OAS3: variants seen among roughly 807,000 people sequenced by gnomAD.
OAS3 encodes 2'-5'-oligoadenylate synthetase 3.
In OAS3, 107 loss-of-function variants were observed where a neutral mutation model predicts 113.0. The ratio of observed to expected loss-of-function variants is 0.95; its 90% CI spans 0.81 to 1.11. The LOEUF (loss-of-function observed/expected upper bound fraction) is 1.11. Among genes scored for constraint, OAS3 ranks in the 50% most tolerant of loss-of-function variants. The pLI is 0.00. For missense variants in OAS3, 1,258 were observed against 1,389.1 expected, an observed-to-expected ratio of 0.91 and a Z score of 1.50; for synonymous variants, 552 against 573.6, an observed-to-expected ratio of 0.96 and a Z score of 0.54.
intron 14 of OAS3, 82 bp downstream of exon 14, chr12:112,968,256 T>C: frequency 6.8e-7 from 1 of 1,476,004 alleles, no homozygotes; most frequent in Non-Finnish European, 9.1e-7. Flanking sequence ...AGAGCAGAGA[T>C]GGGAAAACAC....
At chr12:112,950,660 G>A in intron 6 of OAS3, 33 bp from the exon 7 acceptor site, 1 of 1,608,226 alleles carries the variant, frequency 6.2e-7, no homozygotes, top group South Asian at 1.1e-5. Context: ...GCTCCTAGAG[G>A]GTCCCTGATC....
At chr12:112,949,975 T>C (rs966726519) in intron 6 of OAS3, among the ~76,000 whole-genome samples, 1 of 152,120 alleles carries the variant, frequency 6.6e-6, no homozygotes, top group Non-Finnish European at 1.5e-5. Flanking sequence ...GCTGAGACCA[T>C]GCCACTGCAC....
chr12:112,947,890 T>G lies in OAS3; in HGVS notation c.876-56T>G. 5 of 1,477,072 alleles carry G rather than the reference T, an allele frequency of 3.4e-6. No homozygotes were observed. In the South Asian group the frequency reaches 3.9e-5, roughly 12 times the overall value. 91.5% of individuals were successfully genotyped at this position (1,477,072 alleles called of 1,614,324 possible). On this transcript the variant is annotated intron_variant, in intron 4 of 15. Transcript: ENST00000228928. Reference sequence around the variant, plus strand: ...AGAGATGCGATTGGAACCAGGTCCGTTTCACTCCAGAGCCCTCTTGCTAAC... The same window carrying G: ...AGAGATGCGATTGGAACCAGGTCCGGTTCACTCCAGAGCCCTCTTGCTAAC...
Position 112,967,973 on chromosome 12 carries a change from C to G in OAS3, c.2903C>G (p.Pro968Arg), listed in dbSNP as rs751282870. The change falls in exon 14 of 16, where the codon CCA becomes CGA. Residue 968 changes from proline to arginine, a missense_variant. Physicochemically the swap from Pro to Arg is moderately radical, Grantham distance 103. Coordinates refer to ENST00000228928, the MANE Select transcript of OAS3 (RefSeq NM_006187.4). ...KISKGRGSLPPQHGLELLTVY... is the reference protein window; with the variant it reads ...KISKGRGSLPRQHGLELLTVY... ...TCCAAGGGGAGAGGCTCCCTACCCC[C>G]ACAGCACGGGCTGGAACTCCTGACT... 12 of 1,613,990 alleles carry G rather than the reference C, an allele frequency of 7.4e-6. No individual in the cohort carries two copies. The highest frequency in any genetic ancestry group is 1.7e-5 in the Admixed American group (1 of 60,018).
At chr12:112,969,391 A>G in intron 14 of OAS3, 1 of 598,954 alleles carries the variant, frequency 1.7e-6, no homozygotes, top group Non-Finnish European at 3.0e-6. Flanking sequence ...ACCGTGGTTG[A>G]TTAGTAATGT....
intron 14 of OAS3, 113 bp downstream of exon 14, chr12:112,968,287 T>C: frequency 7.4e-7 from 1 of 1,351,872 alleles, no homozygotes; most frequent in Non-Finnish European, 9.8e-7. Context: ...ACGGATTCCT[T>C]CCTAGAAGTT....
At chr12:112,948,730 C>G in intron 5 of OAS3, 131 bp from the exon 6 acceptor site, 1 of 709,900 alleles carries the variant, frequency 1.4e-6, no homozygotes, top group South Asian at 2.0e-5. Flanking sequence ...TTAGCCATGG[C>G]CCTCCCACTT....
chr12:112,966,820 T>A (rs150569731), intron 12 of OAS3, among the ~76,000 whole-genome samples: 7 of 152,244 alleles, frequency 4.6e-5, no homozygotes, highest in African/African-American at 1.7e-4. Flanking sequence ...TTATAGAATT[T>A]TTTGTAGAGA....
At position 112,968,157 on chromosome 12, in the gene OAS3, G is replaced by C. The variant is rs367970780; in HGVS notation, c.3087G>C (p.Gln1029His). Residue 1029 changes from glutamine to histidine, a missense_variant, in exon 14 of 16, where the codon CAG becomes CAC. Physicochemically the swap from Gln to His is conservative, Grantham distance 24. Transcript: ENST00000228928. ...KDKTVGDFLK[Q>H]QLQKPRPIIL... The stretch of plus-strand genomic sequence containing the variant: ...AGACTGTTGGAGACTTCCTGAAACA[G>C]CAGCTTCAGAAGCCCAGGTTCAGGT... 14 of 1,612,760 alleles carry C rather than the reference G, an allele frequency of 8.7e-6. No homozygotes were observed. The highest frequency in any genetic ancestry group is 1.2e-5 in the Non-Finnish European group (14 of 1,179,142).
rs371718880 is a variant in OAS3, at chr12:112,944,490, G to A, written c.475G>A (p.Gly159Ser). 6.6e-5 allele frequency: 106 copies of A among 1,614,008 alleles called. No individual in the cohort carries two copies. The highest frequency in any genetic ancestry group is 2.9e-4 in the East Asian group (13 of 44,892). Residue 159 changes from glycine (G) to serine (S), a missense_variant, in exon 3 of 16, where the codon GGC becomes AGC. Gly to Ser is a moderately conservative substitution (Grantham distance 56). Transcript: ENST00000228928. Reference sequence around the variant, plus strand: ...CACACCAACAGGTCAGGCCGGCTCCGGCGTCAAACCCAAGCCACAAGTCTA... The same window carrying A: ...CACACCAACAGGTCAGGCCGGCTCCAGCGTCAAACCCAAGCCACAAGTCTA... ...AFNVLGQAGSGVKPKPQVYST... is the reference protein window; with the variant it reads ...AFNVLGQAGSSVKPKPQVYST...
At chr12:112,961,307 T>G in intron 8 of OAS3, 61 bp downstream of exon 8, 1 of 1,502,682 alleles carries the variant, frequency 6.7e-7, no homozygotes. Context: ...CCCCAGCCAA[T>G]CAGTTCCTCC....
intron 7 of OAS3, 62 bp from the exon 8 acceptor site, chr12:112,961,009 G>A: frequency 6.6e-7 from 1 of 1,518,014 alleles, no homozygotes; most frequent in Non-Finnish European, 9.0e-7. Context: ...GAATGGATGG[G>A]TTGGTAAATG....
Position 112,963,275 on chromosome 12 carries a change from T to A in OAS3, c.2085-38T>A. On this transcript the variant is annotated intron_variant, in intron 9 of 15. Coordinates refer to ENST00000228928, the MANE Select transcript of OAS3 (RefSeq NM_006187.4). The surrounding 1 kb of genome is among the most constrained non-coding windows in gnomAD (Gnocchi z 4.6). The stretch of plus-strand genomic sequence containing the variant: ...TCCACCCGCCTCCTCTTTCACTGAC[T>A]CCCACCTTCCCCACCCACCTTCCTG... 1 of 1,534,528 alleles carries A rather than the reference T, an allele frequency of 6.5e-7. No homozygotes were observed. Among genetic ancestry groups the A allele is most frequent in the East Asian group, 2.4e-5 (1 of 41,464 alleles).
rs1383241668 is a variant in OAS3 at position 112,963,457 on chromosome 12, G to A, written c.2229G>A (p.Met743Ile). The part of the protein sequence containing the change: ...DGTSVQPWDV[M>I]PALLYQTPAG... ...CATCTGTGCAGCCCTGGGATGTGATGGTAAGATGGAGGGTCCTGGGGGGCA... is the reference window on the plus strand; with the variant it reads ...CATCTGTGCAGCCCTGGGATGTGATAGTAAGATGGAGGGTCCTGGGGGGCA... The change falls in exon 10 of 16, where the codon ATG (methionine) becomes ATA (isoleucine). Residue 743 changes from methionine to isoleucine, a missense_variant and splice_region_variant. Physicochemically the swap from Met to Ile is conservative, Grantham distance 10. Transcript: ENST00000228928. This position sits in a 1 kb window ranked among gnomAD's most constrained non-coding sequence, Gnocchi z 4.6. 2.6e-6 allele frequency: 4 copies of A among 1,539,810 alleles called. No homozygotes were observed. Among genetic ancestry groups the A allele is most frequent in the Non-Finnish European group, 2.6e-6 (3 of 1,139,214 alleles).
intron 2 of OAS3, 98 bp from the exon 3 acceptor site, chr12:112,944,378 A>ACC (rs1480110682): frequency 3.0e-6 from 4 of 1,313,818 alleles, no homozygotes; most frequent in Non-Finnish European, 4.4e-6. Flanking sequence ...AATTCTTCCC[A>ACC]CTCTCTCTCA....
intron 6 of OAS3, 79 bp from the exon 7 acceptor site, chr12:112,950,613 TG>T (rs1206569399): frequency 6.6e-6 from 10 of 1,517,856 alleles, no homozygotes; most frequent in African/African-American, 2.8e-5. Context: ...AGGCTGTAGA[TG>T]GGGCGCAGGT....
Position 112,969,750 on chromosome 12 carries a change from G to T in OAS3, c.3247G>T (p.Val1083Leu). The change falls in exon 15 of 16, where the codon GTG becomes TTG. Residue 1083 changes from valine (V) to leucine (L), a missense_variant. By Grantham distance (32) the Val-to-Leu change is conservative. Transcript: ENST00000228928. ...TGGCATCCCCATCCAGCCATGGCCA[G>T]TGAAGGTGAGAGATCTGTGGTGCCA... ...RNGIPIQPWP[V>L]KAAV is the part of the protein sequence containing the mutation. The T allele has an allele frequency of 1.9e-6, 3 of 1,612,600 alleles. No homozygotes were observed. The highest frequency in any genetic ancestry group is 2.5e-6 in the Non-Finnish European group (3 of 1,179,248).
chr12:112,963,231 CA>C lies in OAS3; in HGVS notation c.2085-81del. 7.0e-7 allele frequency: 1 copy of C among 1,430,220 alleles called. No homozygotes were observed. The highest frequency in any genetic ancestry group is 1.4e-5 in the African/African-American group (1 of 70,346). The allele number at this position is 1,430,220 out of a possible 1,614,324, so 88.6% of individuals were successfully genotyped here. A position where few individuals can be genotyped will look rare whatever the true frequency, so the allele number is the denominator to read the frequency against. On this transcript the variant is annotated intron_variant, in intron 9 of 15. Coordinates refer to ENST00000228928, the MANE Select transcript of OAS3 (RefSeq NM_006187.4). The surrounding 1 kb of genome is among the most constrained non-coding windows in gnomAD (Gnocchi z 4.6). The stretch of plus-strand genomic sequence containing the variant: ...AGGTCCTGACACTCTTTCCAGCCCT[CA>C]CGCCCCTTTTCAGCCCTTCCACCCG...
chr12:112,941,367 T>C (rs544118133), intron 1 of OAS3, among the ~76,000 whole-genome samples: 2 of 152,032 alleles, frequency 1.3e-5, no homozygotes, highest in Non-Finnish European at 2.9e-5. Flanking sequence ...GGAAAAAAAA[T>C]CATGAGTTTA....
Sources: gnomAD v4.1 joint callset for allele counts (sites outside exome capture counted in the v4.1 genomes callset) on GRCh38, gnomAD v4.1.1 for gene constraint, Gnocchi (gnomAD v3.1) non-coding constraint, MANE v1.5 for transcripts, NCBI Gene and HGNC (gene_info 2026-07-23, HGNC 2026-07-21) for gene names.